The following WDR70 variants were observed in gnomAD, a reference collection of about 807,000 sequenced individuals.
WDR70 encodes WD repeat-containing protein 70.
A neutral mutation model predicts 88.6 loss-of-function variants in WDR70; 53 were observed. That is an observed-to-expected ratio of 0.60 (90% confidence interval 0.48 to 0.75). WDR70 has a LOEUF of 0.75. Ranked by LOEUF, WDR70 falls within the 30% of genes least tolerant of loss-of-function variation. The pLI is 0.00. For missense variants in WDR70, 610 were observed against 823.2 expected, an observed-to-expected ratio of 0.74 and a Z score of 3.17; for synonymous variants, 280 against 270.0, an observed-to-expected ratio of 1.04 and a Z score of -0.36.
chr5:37,432,701 G>A (rs1727380803), intron 5 of WDR70, among the ~76,000 whole-genome samples: 1 of 150,954 alleles, frequency 6.6e-6, no homozygotes, highest in African/African-American at 2.5e-5. Context: ...CGGCCTTTGA[G>A]CCACCGCGCC....
intron 10 of WDR70, among the ~76,000 whole-genome samples, chr5:37,623,527 C>T (rs1744574900): frequency 6.6e-6 from 1 of 152,016 alleles, no homozygotes; most frequent in South Asian, 2.1e-4. Flanking sequence ...AGTAAATAGA[C>T]AAGTAGATTT....
chr5:37,637,643 A>G (rs1006958097), intron 10 of WDR70, among the ~76,000 whole-genome samples: 1 of 152,208 alleles, frequency 6.6e-6, no homozygotes, highest in Non-Finnish European at 1.5e-5. Context: ...ATGCACAGGG[A>G]GCATATGTAC....
At chr5:37,395,862 G>A (rs1189879459) in intron 4 of WDR70, among the ~76,000 whole-genome samples, 2 of 152,004 alleles carry the variant, frequency 1.3e-5, no homozygotes, top group South Asian at 2.1e-4. Flanking sequence ...GTAGAGTGAC[G>A]CAGTCATGGC....
At chr5:37,693,742 C>G (rs1049491418) in intron 10 of WDR70, among the ~76,000 whole-genome samples, 1 of 152,126 alleles carries the variant, frequency 6.6e-6, no homozygotes, top group Non-Finnish European at 1.5e-5. Flanking sequence ...AGACCTAAAA[C>G]CATAAAAACC....
rs369653366 is a variant in WDR70, at chr5:37,726,929, T to C, written c.1761T>C (p.Tyr587=). ...CCCACGGGGGCACTCTCTCTTCCTATATTGTGAAGAACATTGCTTTGGACA... is the reference window on the plus strand; with the variant it reads ...CCCACGGGGGCACTCTCTCTTCCTACATTGTGAAGAACATTGCTTTGGACA... ...VGTHGGTLSS[Y]IVKNIALDKT... The change falls in exon 17 of 18, where the codon TAT becomes TAC. Residue 587 remains tyrosine, a synonymous_variant. Coordinates refer to ENST00000265107, the MANE Select transcript of WDR70 (RefSeq NM_018034.4). The C allele has an allele frequency of 2.5e-6, 4 of 1,609,472 alleles. No individual in the cohort carries two copies. In the African/African-American group the frequency reaches 5.4e-5, roughly 22 times the overall value.
chr5:37,443,736 C>T (rs796975544), intron 7 of WDR70, among the ~76,000 whole-genome samples: 17 of 152,220 alleles, frequency 1.1e-4, no homozygotes, highest in African/African-American at 4.1e-4. Context: ...GCCTGTAATC[C>T]AGCTACTCGG....
At chr5:37,413,177 C>T (rs114393596) in intron 5 of WDR70, among the ~76,000 whole-genome samples, 61 of 152,160 alleles carry the variant, frequency 4.0e-4, no homozygotes, top group African/African-American at 1.4e-3. Flanking sequence ...GGTTTCGAAA[C>T]TGCTAATGTG....
intron 10 of WDR70, among the ~76,000 whole-genome samples, chr5:37,693,085 C>G (rs372335288): frequency 2.6e-5 from 4 of 151,400 alleles, no homozygotes; most frequent in Non-Finnish European, 5.9e-5. Context: ...GACAAACAGC[C>G]AAATCATGAG....
intron 3 of WDR70, among the ~76,000 whole-genome samples, chr5:37,385,866 C>G (rs1179017994): frequency 3.9e-5 from 6 of 151,982 alleles, no homozygotes; most frequent in Non-Finnish European, 7.4e-5. Flanking sequence ...TGCAGTGGTG[C>G]GATCTCGACT....
chr5:37,389,296 C>T lies in WDR70; in HGVS notation c.176-2704C>T, dbSNP rs1194632613. Among the ~76,000 whole-genome samples the T allele has an allele frequency of 4.2e-5, 6 of 141,702 alleles. 1 individual carries two copies. The highest frequency in any genetic ancestry group is 2.1e-4 in the South Asian group (1 of 4,740). 93.0% of individuals were successfully genotyped at this position (141,702 alleles called of 152,430 possible). ...TTAGTAGAGACAGGGTTTCACCTGT[C>T]GAGACCAGGCTGGTCTCGAACTCCT... On this transcript the variant is annotated intron_variant, in intron 3 of 17. Transcript: ENST00000265107.
chr5:37,724,941 C>G lies in WDR70; in HGVS notation c.1605C>G (p.Ala535=). ...AAATGTGACTTCTTGTAGCTCATGC[C>G]TTGCCTATGTTCCGTGAGCCCCGCC... ...LTQDYIITPH[A]LPMFREPRQR... Residue 535 remains alanine (A), a synonymous_variant, in exon 16 of 18, where the codon GCC becomes GCG. Coordinates refer to ENST00000265107, the MANE Select transcript of WDR70 (RefSeq NM_018034.4). 6.2e-7 allele frequency: 1 copy of G among 1,613,484 alleles called. No homozygotes were observed. Among genetic ancestry groups the G allele is most frequent in the East Asian group, 2.2e-5 (1 of 44,854 alleles).
intron 8 of WDR70, among the ~76,000 whole-genome samples, chr5:37,507,128 T>G (rs1036892885): frequency 9.8e-5 from 15 of 152,318 alleles, no homozygotes; most frequent in African/African-American, 3.6e-4. Flanking sequence ...CTTTTTTTTT[T>G]CTTTTTAAAA....
intron 10 of WDR70, among the ~76,000 whole-genome samples, chr5:37,617,849 A>G (rs1744388528): frequency 6.6e-6 from 1 of 152,210 alleles, no homozygotes; most frequent in African/African-American, 2.4e-5. Context: ...TACACTGCCT[A>G]GATGCATAGA....
chr5:37,497,613 G>A (rs756281850), intron 8 of WDR70, among the ~76,000 whole-genome samples: 3 of 151,810 alleles, frequency 2.0e-5, no homozygotes, highest in Non-Finnish European at 2.9e-5. Context: ...AGTACAATGA[G>A]CTATTTCTTT....
intron 5 of WDR70, among the ~76,000 whole-genome samples, chr5:37,409,629 C>T (rs908723055): frequency 1.3e-5 from 2 of 151,814 alleles, no homozygotes; most frequent in South Asian, 2.1e-4. Context: ...CTCAGCTTCC[C>T]GAGTAACTGG....
chr5:37,433,984 A>G (rs1750391912), intron 5 of WDR70, among the ~76,000 whole-genome samples: 2 of 152,246 alleles, frequency 1.3e-5, no homozygotes, highest in South Asian at 4.1e-4. Context: ...TGAGTAAATG[A>G]AGGTATTAGT....
At chr5:37,497,147 C>T (rs1481731716) in intron 8 of WDR70, among the ~76,000 whole-genome samples, 1 of 151,586 alleles carries the variant, frequency 6.6e-6, no homozygotes, top group Non-Finnish European at 1.5e-5. Flanking sequence ...TTCTTTCACT[C>T]CCCTTCCTTC....
At chr5:37,594,505 C>A (rs531104362) in intron 9 of WDR70, among the ~76,000 whole-genome samples, 1 of 152,042 alleles carries the variant, frequency 6.6e-6, no homozygotes, top group Non-Finnish European at 1.5e-5. Flanking sequence ...TGGTCTATAT[C>A]TCTGTTTTGG....
chr5:37,722,221 A>G (rs1747842155), intron 14 of WDR70: 1 of 152,250 alleles, frequency 6.6e-6, no homozygotes, highest in Non-Finnish European at 1.5e-5. Flanking sequence ...GATGAGCCTC[A>G]TTTGATAGCA....
Sources: allele counts gnomAD v4.1 joint callset (sites outside exome capture counted in the v4.1 genomes callset), GRCh38; gene constraint gnomAD v4.1.1; transcripts MANE v1.5; gene names NCBI Gene and HGNC (gene_info 2026-07-23, HGNC 2026-07-21).